LHFPL6: variants seen among roughly 807,000 people sequenced by gnomAD.
The protein encoded by LHFPL6 is LHFPL tetraspan subfamily member 6.
Under a neutral mutation model 20.6 loss-of-function variants are expected in LHFPL6, and 9 were observed. The observed-to-expected ratio is 0.44, with a 90% CI of 0.26 to 0.76. The LOEUF is 0.76. Among genes scored for constraint, LHFPL6 ranks in the 30% least tolerant of loss-of-function variants. The pLI is 0.20. For missense variants in LHFPL6, 218 were observed against 253.5 expected (o/e 0.86, Z 0.95); for synonymous variants, 105 against 98.7 (o/e 1.06, Z -0.38).
At chr13:39,483,886 T>C (rs1393212524) in intron 2 of LHFPL6, among the ~76,000 whole-genome samples, 1 of 152,216 alleles carries the variant, frequency 6.6e-6, no homozygotes, top group Non-Finnish European at 1.5e-5. Flanking sequence ...ACCAGACAGA[T>C]GTTTAAGGTT....
At chr13:39,569,140 TGGATGGATGGAC>T (rs370803975) in intron 2 of LHFPL6, among the ~76,000 whole-genome samples, 17 of 51,958 alleles carry the variant, frequency 3.3e-4, no homozygotes, top group South Asian at 1.2e-3. Context: ...GATGGATGGA[TGGATGGATGGAC>T]GGACGGATGG....
chr13:39,375,433 AT>A (rs1870263964), intron 3 of LHFPL6, among the ~76,000 whole-genome samples: 1 of 152,160 alleles, frequency 6.6e-6, no homozygotes, highest in Admixed American at 6.5e-5. Context: ...GCTCATGCCC[AT>A]AATCCCAGCA....
chr13:39,445,528 G>A (rs9576801), intron 2 of LHFPL6, among the ~76,000 whole-genome samples: 6,693 of 152,176 alleles, frequency 0.044, 304 homozygotes, highest in East Asian at 0.15. Flanking sequence ...TTCAATAGAC[G>A]TTTAGTAAAG....
At chr13:39,511,466 TA>T (rs67885553) in intron 2 of LHFPL6, among the ~76,000 whole-genome samples, 4,648 of 140,758 alleles carry the variant, frequency 0.033, 176 homozygotes, top group African/African-American at 0.097. Context: ...TTTAAATTCT[TA>T]AAAAAAAAAA....
At chr13:39,576,069 T>C (rs951554464) in intron 2 of LHFPL6, among the ~76,000 whole-genome samples, 6 of 152,220 alleles carry the variant, frequency 3.9e-5, no homozygotes, top group African/African-American at 1.4e-4. Context: ...ATTTCTTAAA[T>C]GTGAAGGTTT....
At chr13:39,489,740 A>G (rs1411473495) in intron 2 of LHFPL6, among the ~76,000 whole-genome samples, 1 of 151,884 alleles carries the variant, frequency 6.6e-6, no homozygotes, top group Non-Finnish European at 1.5e-5. Context: ...TTTAGTAGAG[A>G]CGACGTGTTT....
chr13:39,468,041 G>C (rs1030369868), intron 2 of LHFPL6, among the ~76,000 whole-genome samples: 1 of 152,136 alleles, frequency 6.6e-6, no homozygotes, highest in Admixed American at 6.5e-5. Context: ...CCCCATGCCT[G>C]TCAAATTAAT....
At position 39,361,313 on chromosome 13, in the gene LHFPL6, AT is replaced by A. The variant is rs1869862059; in HGVS notation, c.484+17114del. On this transcript the variant is annotated intron_variant, in intron 3 of 3. Transcript: ENST00000379589. The stretch of plus-strand genomic sequence containing the variant: ...TTGAGCCTCTGAAGAATTTTTTTTA[AT>A]TTTTTTTATTTTTTTTTATTTTGAG... Among the ~76,000 whole-genome samples the A allele has an allele frequency of 8.5e-5, 3 of 35,124 alleles. 1 individual carries two copies. Among genetic ancestry groups the A allele is most frequent in the African/African-American group, 1.2e-4 (2 of 16,562 alleles). 23.0% of individuals were successfully genotyped at this position (35,124 alleles called of 152,430 possible).
intron 2 of LHFPL6, among the ~76,000 whole-genome samples, chr13:39,587,694 G>A (rs115681971): frequency 1.2e-3 from 178 of 152,038 alleles, no homozygotes; most frequent in African/African-American, 3.7e-3. Context: ...TACAGATGAC[G>A]AAGAGCTAAA....
rs145104799 is a variant in LHFPL6, at chr13:39,508,272, G to A, written c.385+92560C>T. On this transcript the variant is annotated intron_variant, in intron 2 of 3. Coordinates refer to ENST00000379589, the MANE Select transcript of LHFPL6 (RefSeq NM_005780.3). ...ACTCCTGACCTCAGGTGATCCACCC[G>A]CCTGGGCCTCCCAAAGTGCTGGGAT... 3.4e-3 allele frequency among the ~76,000 whole-genome samples: 517 copies of A among 152,168 alleles called. 6 individuals are homozygous for A. Among genetic ancestry groups the A allele is most frequent in the African/African-American group, 0.012 (490 of 41,516 alleles).
At chr13:39,590,691 TGTAA>T (rs1426214935) in intron 2 of LHFPL6, among the ~76,000 whole-genome samples, 1 of 152,250 alleles carries the variant, frequency 6.6e-6, no homozygotes, top group Non-Finnish European at 1.5e-5. Flanking sequence ...CATTGAATCA[TGTAA>T]GTATCATTGA....
chr13:39,510,411 G>A (rs1426239121), intron 2 of LHFPL6, among the ~76,000 whole-genome samples: 1 of 152,216 alleles, frequency 6.6e-6, no homozygotes, highest in East Asian at 1.9e-4. Flanking sequence ...TGTAGTAACT[G>A]CCAAGAGAGC....
intron 2 of LHFPL6, among the ~76,000 whole-genome samples, chr13:39,430,718 G>T (rs1262237969): frequency 6.6e-6 from 1 of 152,106 alleles, no homozygotes; most frequent in East Asian, 1.9e-4. Flanking sequence ...ACATCAATCG[G>T]CACTCTGTAA....
intron 2 of LHFPL6, among the ~76,000 whole-genome samples, chr13:39,578,467 C>A (rs1872184620): frequency 6.6e-6 from 1 of 152,026 alleles, no homozygotes; most frequent in African/African-American, 2.4e-5. Context: ...TCATTGGCAT[C>A]CAAGACAGAA....
intron 2 of LHFPL6, among the ~76,000 whole-genome samples, chr13:39,456,800 CT>C (rs779014732): frequency 0.029 from 4,195 of 143,486 alleles, 140 homozygotes; most frequent in African/African-American, 0.083. Flanking sequence ...ACAAAGATTT[CT>C]TTTTTTTTTT....
intron 2 of LHFPL6, among the ~76,000 whole-genome samples, chr13:39,577,073 C>T (rs184230357): frequency 2.6e-5 from 4 of 152,168 alleles, no homozygotes; most frequent in Non-Finnish European, 5.9e-5. Flanking sequence ...GATAAACTCA[C>T]GATCTTCATG....
chr13:39,449,781 T>C (rs1593317074), intron 2 of LHFPL6, among the ~76,000 whole-genome samples: 1 of 151,512 alleles, frequency 6.6e-6, no homozygotes, highest in South Asian at 2.1e-4. Context: ...GTGACTCAGT[T>C]GCCAAGTCCA....
intron 2 of LHFPL6, among the ~76,000 whole-genome samples, chr13:39,555,572 T>C (rs545546516): frequency 7.0e-4 from 106 of 152,330 alleles, no homozygotes; most frequent in Non-Finnish European, 1.3e-3. Context: ...TAAACTTTAG[T>C]GAGCTTATTA....
At chr13:39,525,339 T>C (rs577267747) in intron 2 of LHFPL6, among the ~76,000 whole-genome samples, 18 of 152,334 alleles carry the variant, frequency 1.2e-4, no homozygotes, top group African/African-American at 3.8e-4. Context: ...CATTGTGACA[T>C]AGTTCTCCTT....
Sources: gnomAD v4.1 joint callset for allele counts (sites outside exome capture counted in the v4.1 genomes callset) on GRCh38, gnomAD v4.1.1 for gene constraint, MANE v1.5 for transcripts, NCBI Gene and HGNC (gene_info 2026-07-23, HGNC 2026-07-21) for gene names.